XKR6: variants seen among roughly 807,000 people sequenced by gnomAD.
The protein encoded by XKR6 is XK-related protein 6.
XKR6 carries 22 observed loss-of-function variants against 56.7 expected under a neutral mutation model. That is an observed-to-expected ratio of 0.39 (90% confidence interval 0.28 to 0.55). The LOEUF (loss-of-function observed/expected upper bound fraction) is 0.55. XKR6 is among the 20% of genes least tolerant of loss of function. The probability of loss-of-function intolerance (pLI) is 0.66; values close to 1 mark genes in which losing one functional copy is unlikely to be tolerated. For synonymous variants in XKR6, 524 were observed against 387.8 expected, an observed-to-expected ratio of 1.35 and a Z score of -4.13; for missense variants, 852 against 889.0, an observed-to-expected ratio of 0.96 and a Z score of 0.53.
intron 1 of XKR6, among the ~76,000 whole-genome samples, chr8:10,977,258 G>C (rs1374691731): frequency 6.6e-6 from 1 of 152,132 alleles, no homozygotes; most frequent in African/African-American, 2.4e-5. Context: ...AAACCATGGA[G>C]ATTTTCAATA....
chr8:10,959,279 A>G (rs1024001554), intron 1 of XKR6, among the ~76,000 whole-genome samples: 18 of 152,088 alleles, frequency 1.2e-4, no homozygotes, highest in Non-Finnish European at 2.5e-4. Context: ...TCGGCTTGCC[A>G]TGTAGAAAGG....
Position 11,201,315 on chromosome 8 carries a change from C to T in XKR6, c.25G>A (p.Gly9Ser), listed in dbSNP as rs1490776090. 13 of 1,577,308 alleles carry T rather than the reference C, an allele frequency of 8.2e-6. No homozygotes were observed. The highest frequency in any genetic ancestry group is 1.1e-5 in the Non-Finnish European group (13 of 1,171,792). The change falls in exon 1 of 3, where the codon GGC (glycine) becomes AGC (serine). Residue 9 changes from glycine to serine, a missense_variant. By Grantham distance (56) the Gly-to-Ser change is moderately conservative. Around this residue, in one of 4 missense-constraint regions of XKR6, gnomAD observed 417 missense variants for 355.2 expected, o/e 1.17. Transcript: ENST00000416569. MAAKSDGGGVGVGFAQLHN... is the reference protein window; with the variant it reads MAAKSDGGSVGVGFAQLHN... ...AGCTGAGCGAAGCCCACCCCCACGC[C>T]ACCGCCATCGGATTTCGCCGCCATC...
intron 1 of XKR6, among the ~76,000 whole-genome samples, chr8:11,188,264 A>G (rs748194639): frequency 7.2e-5 from 11 of 152,156 alleles, no homozygotes; most frequent in Non-Finnish European, 1.6e-4. Context: ...TTGGGTACAC[A>G]CCAACCCTTT....
chr8:11,052,569 T>G (rs762693156), intron 1 of XKR6, among the ~76,000 whole-genome samples: 7 of 152,090 alleles, frequency 4.6e-5, no homozygotes, highest in Non-Finnish European at 7.4e-5. Context: ...GGGCATCTCC[T>G]TCAGCCCCGT....
intron 2 of XKR6, among the ~76,000 whole-genome samples, chr8:10,914,964 G>A (rs1230694959): frequency 1.3e-5 from 2 of 152,154 alleles, no homozygotes; most frequent in Non-Finnish European, 1.5e-5. Context: ...CAGCCTGGCC[G>A]CCTCCCCTCC....
At chr8:11,005,594 A>G (rs556380248) in intron 1 of XKR6, among the ~76,000 whole-genome samples, 1 of 152,290 alleles carries the variant, frequency 6.6e-6, no homozygotes, top group Admixed American at 6.5e-5. Flanking sequence ...CCACAATGAA[A>G]TATGATGATA....
chr8:11,119,093 T>C (rs1226278108), intron 1 of XKR6, among the ~76,000 whole-genome samples: 1 of 152,138 alleles, frequency 6.6e-6, no homozygotes, highest in Non-Finnish European at 1.5e-5. Context: ...GAGCAGGTTG[T>C]TCAGTTTCCA....
At chr8:11,105,766 C>G (rs1221588486) in intron 1 of XKR6, 1 of 152,186 alleles carries the variant, frequency 6.6e-6, no homozygotes, top group Non-Finnish European at 1.5e-5. Flanking sequence ...CCACCCCAAC[C>G]TCAAGCACTT....
intron 1 of XKR6, among the ~76,000 whole-genome samples, chr8:11,131,600 G>T (rs1262539877): frequency 1.3e-5 from 2 of 152,122 alleles, no homozygotes; most frequent in African/African-American, 2.4e-5. Flanking sequence ...TTAGCCGCCA[G>T]TTCTCTTCCC....
chr8:10,988,269 T>C (rs1403859135), intron 1 of XKR6, among the ~76,000 whole-genome samples: 3 of 152,236 alleles, frequency 2.0e-5, no homozygotes, highest in Non-Finnish European at 2.9e-5. Flanking sequence ...TTGTTACTGT[T>C]TCCCCTGCAC....
At chr8:10,929,928 T>G (rs1801007594) in intron 1 of XKR6, among the ~76,000 whole-genome samples, 1 of 152,250 alleles carries the variant, frequency 6.6e-6, no homozygotes, top group Admixed American at 6.5e-5. Flanking sequence ...TTAAAGCTCC[T>G]GTTCCCTCCA....
chr8:11,021,368 C>G (rs138062287), intron 1 of XKR6, among the ~76,000 whole-genome samples: 3,329 of 152,318 alleles, frequency 0.022, 87 homozygotes, highest in Middle Eastern at 0.12. Flanking sequence ...CTAGCTGCTG[C>G]TGGATTCCAT....
intron 2 of XKR6, among the ~76,000 whole-genome samples, chr8:10,904,747 G>A (rs895007007): frequency 2.6e-5 from 4 of 152,196 alleles, no homozygotes; most frequent in African/African-American, 9.6e-5. Context: ...AGAGCTCCCT[G>A]TAGGCTGAAC....
rs567248811 is a variant in XKR6 at position 11,033,290 on chromosome 8, TG to T, written c.765-108461del. Among the ~76,000 whole-genome samples the T allele has an allele frequency of 2.2e-3, 326 of 150,272 alleles. 3 individuals are homozygous for T. The highest frequency in any genetic ancestry group is 0.017 in the Middle Eastern group (5 of 294). ...ATGATGGCGATGATGACGATAGTGA[TG>T]GTGATGGTGGTGGTGATGATGATGA... On this transcript the variant is annotated intron_variant, in intron 1 of 2. Coordinates refer to ENST00000416569, the MANE Select transcript of XKR6 (RefSeq NM_173683.4).
chr8:11,073,068 G>C (rs1211952673), intron 1 of XKR6, among the ~76,000 whole-genome samples: 1 of 152,068 alleles, frequency 6.6e-6, no homozygotes, highest in African/African-American at 2.4e-5. Flanking sequence ...ACAAAAAGTT[G>C]CCCCCACATG....
chr8:11,139,529 A>G (rs28630509), intron 1 of XKR6, among the ~76,000 whole-genome samples: 79,855 of 151,870 alleles, frequency 0.53, 24,962 homozygotes, highest in African/African-American at 0.86. Flanking sequence ...CAGGGAGTGC[A>G]GTCCGAGGGA....
chr8:10,919,265 T>C (rs769523363), intron 2 of XKR6, among the ~76,000 whole-genome samples: 4 of 152,216 alleles, frequency 2.6e-5, no homozygotes, highest in Non-Finnish European at 5.9e-5. Flanking sequence ...TGGTTCCTGC[T>C]CATCATTTGT....
At chr8:10,980,636 G>C (rs913417617) in intron 1 of XKR6, among the ~76,000 whole-genome samples, 6 of 152,118 alleles carry the variant, frequency 3.9e-5, no homozygotes, top group Admixed American at 1.3e-4. Flanking sequence ...ATGTTACACG[G>C]ATCATGATTA....
intron 1 of XKR6, among the ~76,000 whole-genome samples, chr8:10,940,502 C>T (rs1801355278): frequency 6.6e-6 from 1 of 152,188 alleles, no homozygotes; most frequent in South Asian, 2.1e-4. Flanking sequence ...CACCTGTGTC[C>T]CCCAAGTGGC....
Sources: gnomAD v4.1 joint callset for allele counts (sites outside exome capture counted in the v4.1 genomes callset) on GRCh38, gnomAD v4.1.1 for gene constraint, gnomAD v4.1.1 regional missense constraint, MANE v1.5 for transcripts, NCBI Gene and HGNC (gene_info 2026-07-23, HGNC 2026-07-21) for gene names.